Variants in SLC44A5 observed in about 807,000 individuals in gnomAD.
The protein encoded by SLC44A5 is choline transporter-like protein 5.
Under a neutral mutation model 101.8 loss-of-function variants are expected in SLC44A5, and 57 were observed. That is an observed-to-expected ratio of 0.56 (90% CI 0.45 to 0.70). SLC44A5 has a LOEUF of 0.70. Ranked by LOEUF, SLC44A5 falls within the 30% of genes least tolerant of loss-of-function variation. The probability of loss-of-function intolerance (pLI) is 0.00; values close to 1 mark genes in which losing one functional copy is unlikely to be tolerated. For missense variants in SLC44A5, 737 were observed against 853.1 expected, an observed-to-expected ratio of 0.86 and a Z score of 1.70; for synonymous variants, 281 against 290.9, an observed-to-expected ratio of 0.97 and a Z score of 0.35.
the SLC44A5 span, among the ~76,000 whole-genome samples, chr1:75,679,546 A>G: frequency 2.0e-5 from 3 of 152,018 alleles, no homozygotes; most frequent in Non-Finnish European, 2.9e-5. Flanking sequence ...AAAATACTTT[A>G]CAGACAAGCA....
chr1:75,492,318 T>C (rs749153410), intron 2 of SLC44A5, among the ~76,000 whole-genome samples: 10 of 152,198 alleles, frequency 6.6e-5, no homozygotes, highest in Admixed American at 2.6e-4. Context: ...GTCAAAACTT[T>C]AGTAGCATAA....
At position 75,234,023 on chromosome 1, in the gene SLC44A5, C is replaced by A. The variant is rs1396647422; in HGVS notation, c.816G>T (p.Trp272Cys). The A allele has an allele frequency of 6.2e-7, 1 of 1,613,252 alleles. No individual in the cohort carries two copies. The highest frequency in any genetic ancestry group is 1.7e-5 in the Admixed American group (1 of 59,948). ...LLRFIAGCLF[W>C]VFMIGVIGII... ...TTCCAATCACACCAATCATGAAGAC[C>A]CAGAAGAGGCATCCAGCTATGAACC... The change falls in exon 12 of 24, where the codon TGG becomes TGT. Residue 272 changes from tryptophan to cysteine, a missense_variant. Trp to Cys is a radical substitution (Grantham distance 215). This residue lies in a region of SLC44A5 where 665 missense variants were observed against 764.4 expected (regional missense o/e 0.87). Transcript: ENST00000370859.
At chr1:75,398,739 A>G (rs142596220) in intron 2 of SLC44A5, among the ~76,000 whole-genome samples, 3 of 152,310 alleles carry the variant, frequency 2.0e-5, no homozygotes, top group Non-Finnish European at 2.9e-5. Flanking sequence ...TGGCATGATC[A>G]GTTTACAAGA....
At chr1:75,410,338 G>A (rs572084022) in intron 2 of SLC44A5, among the ~76,000 whole-genome samples, 11 of 152,080 alleles carry the variant, frequency 7.2e-5, no homozygotes, top group Non-Finnish European at 1.3e-4. Context: ...TACCTGCCAT[G>A]CCTATTTATA....
intron 2 of SLC44A5, among the ~76,000 whole-genome samples, chr1:75,420,125 GAGA>G (rs1663910645): frequency 6.6e-6 from 1 of 152,020 alleles, no homozygotes; most frequent in Non-Finnish European, 1.5e-5. Flanking sequence ...AAAACACAGT[GAGA>G]AGACCTATCT....
At chr1:75,468,218 TG>T (rs1557816279) in intron 2 of SLC44A5, among the ~76,000 whole-genome samples, 2 of 152,096 alleles carry the variant, frequency 1.3e-5, no homozygotes, top group African/African-American at 2.4e-5. Flanking sequence ...ACACTGTTGG[TG>T]GGAATGTAAA....
the SLC44A5 span, among the ~76,000 whole-genome samples, chr1:75,675,455 T>C: frequency 2.3e-3 from 345 of 152,314 alleles, 2 homozygotes; most frequent in African/African-American, 7.8e-3. Flanking sequence ...TTTTTGCACA[T>C]TGATTTTGTA....
chr1:75,669,987 GAGA>G, the SLC44A5 span, among the ~76,000 whole-genome samples: 126 of 152,256 alleles, frequency 8.3e-4, no homozygotes, highest in Non-Finnish European at 1.5e-3. Flanking sequence ...TATAACATGA[GAGA>G]AGGATAGCAC....
intron 2 of SLC44A5, among the ~76,000 whole-genome samples, chr1:75,415,957 C>G (rs946996346): frequency 4.6e-5 from 7 of 152,104 alleles, no homozygotes; most frequent in African/African-American, 1.7e-4. Flanking sequence ...ATAAGGGAAG[C>G]AGAGCATAAA....
At chr1:75,278,434 C>G (rs979704337) in intron 5 of SLC44A5, among the ~76,000 whole-genome samples, 4 of 151,988 alleles carry the variant, frequency 2.6e-5, no homozygotes, top group Admixed American at 1.3e-4. Flanking sequence ...GTATGACAGT[C>G]ATTCTCAAGC....
chr1:75,438,567 G>A (rs182179976), intron 2 of SLC44A5, among the ~76,000 whole-genome samples: 17 of 152,176 alleles, frequency 1.1e-4, no homozygotes, highest in African/African-American at 3.9e-4. Context: ...GCAAACAATT[G>A]CTGACCTCAT....
intron 3 of SLC44A5, among the ~76,000 whole-genome samples, chr1:75,350,354 C>A (rs1287047212): frequency 6.6e-6 from 1 of 151,320 alleles, no homozygotes; most frequent in Non-Finnish European, 1.5e-5. Context: ...CAGCCCACAC[C>A]CTGATCTTCA....
chr1:75,237,575 A>G (rs1394755684), intron 10 of SLC44A5, among the ~76,000 whole-genome samples: 1 of 151,988 alleles, frequency 6.6e-6, no homozygotes, highest in Non-Finnish European at 1.5e-5. Context: ...ATGTGCCCCA[A>G]TTGCAACACC....
At chr1:75,637,840 C>A in the SLC44A5 span, among the ~76,000 whole-genome samples, 1 of 151,980 alleles carries the variant, frequency 6.6e-6, no homozygotes, top group Non-Finnish European at 1.5e-5. Flanking sequence ...CCACTATACA[C>A]AGACATGCCT....
intron 13 of SLC44A5, among the ~76,000 whole-genome samples, chr1:75,224,455 A>G (rs906469306): frequency 4.6e-5 from 7 of 152,200 alleles, no homozygotes; most frequent in African/African-American, 1.4e-4. Flanking sequence ...ATAGGAGATG[A>G]CAGCTCCATG....
chr1:75,573,863 A>G (rs997885275), intron 1 of SLC44A5, among the ~76,000 whole-genome samples: 1 of 152,218 alleles, frequency 6.6e-6, no homozygotes, highest in Non-Finnish European at 1.5e-5. Context: ...AGAAACATGT[A>G]CAATGTTTTG....
At chr1:75,203,942 T>TGTTG (rs1553138907) in intron 23 of SLC44A5, 109 bp from the exon 24 acceptor site, 24 of 1,303,822 alleles carry the variant, frequency 1.8e-5, no homozygotes, top group African/African-American at 3.1e-5. Flanking sequence ...CTTTTGTTGT[T>TGTTG]TTTTTTTTGT....
intron 3 of SLC44A5, among the ~76,000 whole-genome samples, chr1:75,341,362 G>C (rs911303308): frequency 1.3e-5 from 2 of 152,100 alleles, no homozygotes; most frequent in Non-Finnish European, 2.9e-5. Flanking sequence ...CACACCTGTA[G>C]TCCTAGCTAT....
the SLC44A5 span, among the ~76,000 whole-genome samples, chr1:75,647,661 T>C: frequency 6.6e-6 from 1 of 152,218 alleles, no homozygotes. Context: ...CAGCATGACC[T>C]GTATTTGAGA....
Sources: allele counts gnomAD v4.1 joint callset (sites outside exome capture counted in the v4.1 genomes callset), GRCh38; gene constraint gnomAD v4.1.1; regional missense constraint gnomAD v4.1.1; transcripts MANE v1.5; gene names NCBI Gene and HGNC (gene_info 2026-07-23, HGNC 2026-07-21).